Variants in CDH8 observed in about 807,000 individuals in gnomAD.
CDH8 encodes the protein cadherin-8.
A neutral mutation model predicts 68.1 loss-of-function variants in CDH8; 17 were observed. That is an observed-to-expected ratio of 0.25 (90% CI 0.17 to 0.37). The LOEUF is 0.37. Ranked by LOEUF, CDH8 falls within the 10% of genes least tolerant of loss-of-function variation. The pLI, the probability that CDH8 is intolerant of heterozygous loss-of-function variation, is 1.00. For missense variants in CDH8, 763 were observed against 999.3 expected (o/e 0.76, Z 3.19); for synonymous variants, 372 against 365.1 (o/e 1.02, Z -0.21).
Position 61,891,683 on chromosome 16 carries a change from G to A in CDH8, c.547+9496C>T, listed in dbSNP as rs143305905. ...ACTCCTCACCCCATTGTAGAGTTTTGGAACCACAGCTGCCTTAGTCATTCG... is the reference window on the plus strand; with the variant it reads ...ACTCCTCACCCCATTGTAGAGTTTTAGAACCACAGCTGCCTTAGTCATTCG... On this transcript the variant is annotated intron_variant, in intron 3 of 11. Transcript: ENST00000577390. Among the ~76,000 whole-genome samples, 497 of 152,220 alleles carry A rather than the reference G, an allele frequency of 3.3e-3. 1 individual carries two copies. Among genetic ancestry groups the A allele is most frequent in the African/African-American group, 0.012 (484 of 41,550 alleles).
Position 61,653,133 on chromosome 16 carries a change from AGTATT to A in CDH8, c.*470_*474del, listed in dbSNP as rs1963361742. 1.6e-6 allele frequency: 2 copies of A among 1,239,948 alleles called. No homozygotes were observed. Among genetic ancestry groups the A allele is most frequent in the South Asian group, 7.8e-5 (2 of 25,490 alleles). 76.8% of individuals were successfully genotyped at this position (1,239,948 alleles called of 1,614,324 possible). On this transcript the variant is annotated 3_prime_UTR_variant, in exon 12 of 12. Coordinates refer to ENST00000577390, the MANE Select transcript of CDH8 (RefSeq NM_001796.5). ...AAAAGTTATAATGTACAGCAGACCA[AGTATT>A]GCTTTATCATTTGTGGCGGGATCCT...
At chr16:61,746,555 C>CAACACACA (rs1960027063) in intron 8 of CDH8, among the ~76,000 whole-genome samples, 1 of 83,866 alleles carries the variant, frequency 1.2e-5, no homozygotes, top group Admixed American at 1.1e-4. Context: ...GATTCCCCCC[C>CAACACACA]AACACACACA....
chr16:61,895,661 T>C (rs753994944), intron 3 of CDH8, among the ~76,000 whole-genome samples: 1 of 152,216 alleles, frequency 6.6e-6, no homozygotes, highest in Non-Finnish European at 1.5e-5. Flanking sequence ...TTCACTAATA[T>C]GCTTTTGAGT....
At chr16:61,780,605 C>T (rs1220425301) in intron 8 of CDH8, among the ~76,000 whole-genome samples, 13 of 152,196 alleles carry the variant, frequency 8.5e-5, no homozygotes, top group Admixed American at 8.5e-4. Flanking sequence ...AGAACCTCCC[C>T]CTATGGGGTT....
rs575720362 is a variant in CDH8, at chr16:61,912,598, G to C, written c.253-11125C>G. On this transcript the variant is annotated intron_variant, in intron 2 of 11. Coordinates refer to ENST00000577390, the MANE Select transcript of CDH8 (RefSeq NM_001796.5). ...GTATGGGTGGATGAAAGAGAGAATG[G>C]CAGCATGACTAACTAAAGAAATTCT... 1.6e-3 allele frequency among the ~76,000 whole-genome samples: 250 copies of C among 152,162 alleles called. 11 individuals carry two copies. The highest frequency in any genetic ancestry group is 1.3e-4 in the Non-Finnish European group (9 of 67,970).
intron 9 of CDH8, among the ~76,000 whole-genome samples, chr16:61,724,141 A>G (rs1168582587): frequency 6.6e-6 from 1 of 150,750 alleles, no homozygotes; most frequent in Non-Finnish European, 1.5e-5. Context: ...TTATGGTTAC[A>G]CTTTTGAGAA....
At chr16:61,754,752 C>T (rs1453837447) in intron 8 of CDH8, among the ~76,000 whole-genome samples, 1 of 152,004 alleles carries the variant, frequency 6.6e-6, no homozygotes, top group Non-Finnish European at 1.5e-5. Context: ...TATCTAACTG[C>T]ATATTTTTTT....
At chr16:61,775,250 A>C (rs1960874620) in intron 8 of CDH8, among the ~76,000 whole-genome samples, 1 of 152,106 alleles carries the variant, frequency 6.6e-6, no homozygotes, top group African/African-American at 2.4e-5. Context: ...AAAAATAAGT[A>C]ATAAAAAGAG....
At chr16:62,023,755 AC>A (rs548649082) in intron 1 of CDH8, among the ~76,000 whole-genome samples, 20 of 152,284 alleles carry the variant, frequency 1.3e-4, no homozygotes, top group Middle Eastern at 3.4e-3. Context: ...GCCATTTAAC[AC>A]ACATGGGGAG....
intron 4 of CDH8, among the ~76,000 whole-genome samples, chr16:61,845,041 A>AC (rs1210600994): frequency 6.6e-6 from 1 of 151,990 alleles, no homozygotes; most frequent in Non-Finnish European, 1.5e-5. Context: ...TCTTTCCTTG[A>AC]CCCCATTTGG....
At chr16:61,893,888 AC>A (rs765315952) in intron 3 of CDH8, among the ~76,000 whole-genome samples, 56 of 152,222 alleles carry the variant, frequency 3.7e-4, no homozygotes, top group Non-Finnish European at 7.5e-4. Context: ...AAGAATGCTA[AC>A]CAATGACTGT....
At chr16:61,957,533 G>C (rs934712813) in intron 2 of CDH8, among the ~76,000 whole-genome samples, 1 of 152,110 alleles carries the variant, frequency 6.6e-6, no homozygotes, top group African/African-American at 2.4e-5. Flanking sequence ...GAAGAGGGCA[G>C]GATATAGGAT....
At chr16:61,662,399 T>C (rs1271175057) in intron 10 of CDH8, among the ~76,000 whole-genome samples, 1 of 151,454 alleles carries the variant, frequency 6.6e-6, no homozygotes. Flanking sequence ...AGATGTTAGA[T>C]ACAAGAGAGA....
In CDH8 at chr16:62,020,626, T is replaced by C. The variant is rs552595745; in HGVS notation, c.252+526A>G. On this transcript the variant is annotated intron_variant, in intron 2 of 11. Coordinates refer to ENST00000577390, the MANE Select transcript of CDH8 (RefSeq NM_001796.5). Reference sequence around the variant, plus strand: ...TTTTTCAAATAGTACAATGCACAGTTAAGCATCTACTTTAAGAACTTCCTT... The same window carrying C: ...TTTTTCAAATAGTACAATGCACAGTCAAGCATCTACTTTAAGAACTTCCTT... Among the ~76,000 whole-genome samples the C allele has an allele frequency of 2.0e-5, 3 of 152,318 alleles. No homozygotes were observed. The South Asian group carries it at 6.2e-4, about 32-fold the overall frequency.
chr16:61,709,252 G>A (rs1365125671), intron 10 of CDH8, among the ~76,000 whole-genome samples: 4 of 152,018 alleles, frequency 2.6e-5, no homozygotes, highest in Non-Finnish European at 5.9e-5. Context: ...TAGCAAGGTG[G>A]CCCTCCTTGC....
chr16:62,036,050 A>G (rs1902450072), intron 1 of CDH8, 30 bp downstream of exon 1: 1 of 152,230 alleles, frequency 6.6e-6, no homozygotes, highest in South Asian at 2.1e-4. Context: ...AACATAGAGG[A>G]AAACGGGGGT....
At chr16:62,014,111 A>T (rs1372727568) in intron 2 of CDH8, among the ~76,000 whole-genome samples, 1 of 152,104 alleles carries the variant, frequency 6.6e-6, no homozygotes, top group Non-Finnish European at 1.5e-5. Context: ...GGATTAAGAG[A>T]CGATTTGGGA....
intron 2 of CDH8, among the ~76,000 whole-genome samples, chr16:62,013,596 T>G (rs1901868611): frequency 6.6e-6 from 1 of 152,184 alleles, no homozygotes; most frequent in Non-Finnish European, 1.5e-5. Flanking sequence ...TCTATACACA[T>G]TTTATATCTT....
chr16:61,896,603 A>C (rs1182394804), intron 3 of CDH8, among the ~76,000 whole-genome samples: 1 of 152,136 alleles, frequency 6.6e-6, no homozygotes, highest in African/African-American at 2.4e-5. Context: ...CCAGATATTC[A>C]CCTTCATGAG....
Sources: allele counts gnomAD v4.1 joint callset (sites outside exome capture counted in the v4.1 genomes callset), GRCh38; gene constraint gnomAD v4.1.1; transcripts MANE v1.5; gene names NCBI Gene and HGNC (gene_info 2026-07-23, HGNC 2026-07-21).